RASGEF1A: variants seen among roughly 807,000 people sequenced by gnomAD.
RASGEF1A encodes the protein RasGEF domain family member 1A.
A neutral mutation model predicts 56.4 loss-of-function variants in RASGEF1A; 18 were observed. That is an observed-to-expected ratio of 0.32 (90% CI 0.22 to 0.47). RASGEF1A has a LOEUF of 0.47. Among genes scored for constraint, RASGEF1A ranks in the 20% least tolerant of loss-of-function variants. The pLI, the probability that RASGEF1A is intolerant of heterozygous loss-of-function variation, is 1.00. For missense variants in RASGEF1A, 422 were observed against 627.1 expected (o/e 0.67, Z 3.49); for synonymous variants, 245 against 242.6 (o/e 1.01, Z -0.09).
rs935199178 is a variant in RASGEF1A at position 43,229,599 on chromosome 10, G to T, written c.-6-23477C>A. ...CCGAGCCCGACAGCGCAAGAACCCTGCCCCGCGGCCTTGCGCCTGGGCCCG... is the reference window on the plus strand; with the variant it reads ...CCGAGCCCGACAGCGCAAGAACCCTTCCCCGCGGCCTTGCGCCTGGGCCCG... On this transcript the variant is annotated intron_variant, in intron 1 of 12. Transcript: ENST00000395810. 4.9e-5 allele frequency: 72 copies of T among 1,462,692 alleles called. No individual in the cohort carries two copies. The Admixed American group carries it at 6.0e-4, about 12-fold the overall frequency. 90.6% of individuals were successfully genotyped at this position (1,462,692 alleles called of 1,614,324 possible).
intron 9 of RASGEF1A, among the ~76,000 whole-genome samples, chr10:43,198,552 G>C (rs1839838168): frequency 6.6e-6 from 1 of 152,222 alleles, no homozygotes; most frequent in Admixed American, 6.5e-5. Context: ...AATGGACTCT[G>C]TGGTCAAACA....
At chr10:43,261,775 G>A (rs1222066347) in intron 1 of RASGEF1A, among the ~76,000 whole-genome samples, 1 of 152,180 alleles carries the variant, frequency 6.6e-6, no homozygotes, top group Non-Finnish European at 1.5e-5. Flanking sequence ...GCCTGGCTCG[G>A]GGCTGCACAT....
intron 2 of RASGEF1A, 174 bp from the exon 3 acceptor site, chr10:43,203,594 T>C: frequency 8.1e-7 from 1 of 1,232,548 alleles, no homozygotes; most frequent in Non-Finnish European, 1.1e-6. Context: ...CTCTTACTGC[T>C]ACCCCGGCCC....
chr10:43,198,244 C>T (rs760454248), intron 9 of RASGEF1A, 49 bp from the exon 10 acceptor site: 9 of 1,490,488 alleles, frequency 6.0e-6, no homozygotes, highest in East Asian at 4.7e-5. Context: ...CATGCCCCTC[C>T]GACCTGCTCC....
chr10:43,256,600 G>T (rs916620117), intron 1 of RASGEF1A, among the ~76,000 whole-genome samples: 12 of 152,082 alleles, frequency 7.9e-5, no homozygotes, highest in African/African-American at 2.9e-4. Context: ...GGCTTCCAGG[G>T]CACTGCACAC....
Position 43,205,976 on chromosome 10 carries a change from A to G in RASGEF1A, c.141T>C (p.Ser47=), listed in dbSNP as rs902169543. The part of the protein sequence containing the change: ...DLIFQDGHLI[S]GSLEALMEHL... ...GCTCCATCAGGGCCTCCAGGGACCC[A>G]GAGATGAGGTGTCCATCTTGGAAGA... Residue 47 remains serine (S), a synonymous_variant, in exon 2 of 13, where the codon TCT becomes TCC. Coordinates refer to ENST00000395810, the MANE Select transcript of RASGEF1A (RefSeq NM_145313.4). 38 of 1,613,148 alleles carry G rather than the reference A, an allele frequency of 2.4e-5. No individual in the cohort carries two copies. The highest frequency in any genetic ancestry group is 3.1e-5 in the Non-Finnish European group (36 of 1,179,964).
At chr10:43,243,152 G>A (rs902242301) in intron 1 of RASGEF1A, among the ~76,000 whole-genome samples, 4 of 148,370 alleles carry the variant, frequency 2.7e-5, no homozygotes, top group African/African-American at 5.0e-5. Flanking sequence ...CGCCCCGTCT[G>A]GGAGGAAGTG....
intron 1 of RASGEF1A, among the ~76,000 whole-genome samples, chr10:43,213,481 C>G (rs528269738): frequency 1.3e-5 from 2 of 152,194 alleles, no homozygotes; most frequent in African/African-American, 4.8e-5. Flanking sequence ...GAGAAACTTT[C>G]CAGCCTTTTA....
intron 1 of RASGEF1A, among the ~76,000 whole-genome samples, chr10:43,238,330 CAG>C (rs1264787926): frequency 3.3e-5 from 5 of 152,224 alleles, no homozygotes; most frequent in Non-Finnish European, 5.9e-5. Flanking sequence ...TTAGCCATCG[CAG>C]AGTCAGACCT....
chr10:43,208,624 G>A lies in RASGEF1A; in HGVS notation c.-6-2502C>T, dbSNP rs574791247. The A allele has an allele frequency of 1.6e-5, 16 of 985,634 alleles. No homozygotes were observed. The African/African-American group carries it at 2.3e-4, about 14-fold the overall frequency. 61.1% of individuals were successfully genotyped at this position (985,634 alleles called of 1,614,324 possible). ...GTGGAGCCGCACTGACCTGAGAGGT[G>A]GGGTGCTCTGGGTTCCTTCTGTCCT... On this transcript the variant is annotated intron_variant, in intron 1 of 12. Coordinates refer to ENST00000395810, the MANE Select transcript of RASGEF1A (RefSeq NM_145313.4).
chr10:43,257,476 G>A (rs1836442272), intron 1 of RASGEF1A, among the ~76,000 whole-genome samples: 1 of 152,194 alleles, frequency 6.6e-6, no homozygotes, highest in Non-Finnish European at 1.5e-5. Context: ...GCCTGCCTCT[G>A]CCGCCTGGGG....
At chr10:43,240,562 A>G (rs1011727829) in intron 1 of RASGEF1A, among the ~76,000 whole-genome samples, 3 of 152,226 alleles carry the variant, frequency 2.0e-5, no homozygotes, top group Admixed American at 6.5e-5. Context: ...TCTGGTGTTG[A>G]AAACTAAGTA....
At chr10:43,262,714 A>G (rs1836557211) in intron 1 of RASGEF1A, among the ~76,000 whole-genome samples, 1 of 152,238 alleles carries the variant, frequency 6.6e-6, no homozygotes, top group Non-Finnish European at 1.5e-5. Flanking sequence ...GCACAGCAGG[A>G]AAGTTCAGGA....
At chr10:43,228,465 G>C (rs1427844372) in intron 1 of RASGEF1A, among the ~76,000 whole-genome samples, 2 of 152,200 alleles carry the variant, frequency 1.3e-5, no homozygotes, top group African/African-American at 2.4e-5. Flanking sequence ...AGTGACTGGA[G>C]TACTGGGCTG....
chr10:43,201,170 T>C (rs937861904), intron 4 of RASGEF1A, among the ~76,000 whole-genome samples: 2 of 152,084 alleles, frequency 1.3e-5, no homozygotes, highest in African/African-American at 4.8e-5. Context: ...AAGCATGGCT[T>C]TTTCAGAGGC....
chr10:43,200,910 G>C (rs1281377295), intron 4 of RASGEF1A, 22 bp from the exon 5 acceptor site: 4 of 1,604,708 alleles, frequency 2.5e-6, no homozygotes, highest in Non-Finnish European at 3.4e-6. Flanking sequence ...AGGGCAATAA[G>C]GGTGCCAGCA....
intron 3 of RASGEF1A, among the ~76,000 whole-genome samples, chr10:43,202,396 A>G (rs1475026417): frequency 2.6e-5 from 4 of 152,142 alleles, no homozygotes; most frequent in Admixed American, 2.0e-4. Context: ...GTCCACAGGC[A>G]TGCACGACCC....
At chr10:43,239,366 G>C (rs954528826) in intron 1 of RASGEF1A, among the ~76,000 whole-genome samples, 4 of 152,194 alleles carry the variant, frequency 2.6e-5, no homozygotes, top group African/African-American at 9.7e-5. Context: ...GCTTTCAATA[G>C]AGTATAGCCA....
Position 43,196,156 on chromosome 10 carries a change from T to C in RASGEF1A, c.*88A>G. ...TATATACAAAATGGACCCCAACCAGTGAGGCCTCCTCATCTCAACCCACAT... is the reference window on the plus strand; with the variant it reads ...TATATACAAAATGGACCCCAACCAGCGAGGCCTCCTCATCTCAACCCACAT... On this transcript the variant is annotated 3_prime_UTR_variant, in exon 13 of 13. Coordinates refer to ENST00000395810, the MANE Select transcript of RASGEF1A (RefSeq NM_145313.4). This position sits in a 1 kb window ranked among gnomAD's most constrained non-coding sequence, Gnocchi z 4.6. 8.0e-7 allele frequency: 1 copy of C among 1,254,874 alleles called. No homozygotes were observed. Among genetic ancestry groups the C allele is most frequent in the Non-Finnish European group, 1.1e-6 (1 of 876,754 alleles). 77.7% of individuals were successfully genotyped at this position (1,254,874 alleles called of 1,614,324 possible).
Sources: allele counts gnomAD v4.1 joint callset (sites outside exome capture counted in the v4.1 genomes callset), GRCh38; gene constraint gnomAD v4.1.1; non-coding constraint Gnocchi (gnomAD v3.1); transcripts MANE v1.5; gene names NCBI Gene and HGNC (gene_info 2026-07-23, HGNC 2026-07-21).